The following CSRNP3 variants were observed in gnomAD, a reference collection of about 807,000 sequenced individuals.
The protein encoded by CSRNP3 is cysteine/serine-rich nuclear protein 3.
CSRNP3 carries 12 observed loss-of-function variants against 48.0 expected under a neutral mutation model. The ratio of observed to expected loss-of-function variants is 0.25; its 90% confidence interval spans 0.16 to 0.41. The LOEUF (loss-of-function observed/expected upper bound fraction) is 0.41, where lower values mean the gene tolerates loss of function less well. Among genes scored for constraint, CSRNP3 ranks in the 10% least tolerant of loss-of-function variants. CSRNP3 has a pLI of 1.00. For synonymous variants in CSRNP3, 263 were observed against 269.7 expected, an observed-to-expected ratio of 0.98 and a Z score of 0.24; for missense variants, 580 against 724.4, an observed-to-expected ratio of 0.80 and a Z score of 2.29.
chr2:165,585,810 G>A (rs1017160323), intron 3 of CSRNP3, among the ~76,000 whole-genome samples: 2 of 152,160 alleles, frequency 1.3e-5, no homozygotes, highest in African/African-American at 2.4e-5. Flanking sequence ...AAAGGTGGAA[G>A]AATCTTTGTT....
At chr2:165,628,310 C>T (rs145206791) in intron 4 of CSRNP3, among the ~76,000 whole-genome samples, 107 of 152,292 alleles carry the variant, frequency 7.0e-4, no homozygotes, top group African/African-American at 2.4e-3. Flanking sequence ...CCCTTTTCTA[C>T]TTCTTGTGTC....
chr2:165,496,042 G>A (rs1005561118), intron 2 of CSRNP3, among the ~76,000 whole-genome samples: 2 of 151,784 alleles, frequency 1.3e-5, no homozygotes, highest in South Asian at 2.1e-4. Flanking sequence ...TCTGTGACCC[G>A]AGATCCTATT....
intron 1 of CSRNP3, among the ~76,000 whole-genome samples, chr2:165,481,633 T>C (rs1684044078): frequency 6.6e-6 from 1 of 152,182 alleles, no homozygotes. Flanking sequence ...TCCTTTATGC[T>C]ACACTGGCTA....
chr2:165,665,976 GAAA>G, intron 5 of CSRNP3, among the ~76,000 whole-genome samples: 1 of 67,122 alleles, frequency 1.5e-5, no homozygotes, highest in African/African-American at 5.5e-5. Flanking sequence ...GAGAGGGGAA[GAAA>G]GAAAGAGAGA....
intron 1 of CSRNP3, among the ~76,000 whole-genome samples, chr2:165,481,200 C>T (rs1017841946): frequency 6.6e-5 from 10 of 152,068 alleles, no homozygotes; most frequent in African/African-American, 2.4e-4. Flanking sequence ...AGGTTATATG[C>T]TCACGTTAAT....
chr2:165,577,989 AAT>A (rs1237815505), intron 3 of CSRNP3, among the ~76,000 whole-genome samples: 2 of 152,028 alleles, frequency 1.3e-5, no homozygotes, highest in Admixed American at 1.3e-4. Context: ...TTGAATTCCA[AAT>A]AAATGAAAAT....
chr2:165,649,568 G>A (rs1300105651), intron 4 of CSRNP3, among the ~76,000 whole-genome samples: 2 of 152,168 alleles, frequency 1.3e-5, no homozygotes, highest in African/African-American at 4.8e-5. Flanking sequence ...AAATAGAGAA[G>A]AGTGGTATTT....
intron 3 of CSRNP3, among the ~76,000 whole-genome samples, chr2:165,559,796 C>CTTTTT (rs11313094): frequency 0.032 from 3,135 of 98,160 alleles, 4 homozygotes; most frequent in Non-Finnish European, 0.04. Context: ...TTCTTTCTTT[C>CTTTTT]TTTTTTTTTT....
At chr2:165,629,600 G>T (rs1418118001) in intron 4 of CSRNP3, among the ~76,000 whole-genome samples, 1 of 152,212 alleles carries the variant, frequency 6.6e-6, no homozygotes, top group African/African-American at 2.4e-5. Context: ...TTGGTTACTT[G>T]TTGGACCAGA....
chr2:165,559,870 G>A (rs895914788), intron 3 of CSRNP3, among the ~76,000 whole-genome samples: 1 of 146,278 alleles, frequency 6.8e-6, no homozygotes, highest in African/African-American at 2.5e-5. Context: ...CACGATCTCG[G>A]CTCACTGCAA....
At chr2:165,531,726 A>T (rs1684813801) in intron 3 of CSRNP3, among the ~76,000 whole-genome samples, 1 of 152,178 alleles carries the variant, frequency 6.6e-6, no homozygotes, top group Non-Finnish European at 1.5e-5. Flanking sequence ...AACTGAAGGA[A>T]ATAGAGACAC....
rs570202424 is a variant in CSRNP3, at chr2:165,575,854, A to G, written c.-23-19189A>G. Among the ~76,000 whole-genome samples the G allele has an allele frequency of 4.6e-5, 7 of 152,120 alleles. No homozygotes were observed. The East Asian group carries it at 1.4e-3, about 29-fold the overall frequency. On this transcript the variant is annotated intron_variant, in intron 3 of 6. Transcript: ENST00000651982. Reference sequence around the variant, plus strand: ...CAGGATCCTGAGACTAATTTAGGAAAAGGAATTCATGTTTTGTATGAGCTT... The same window carrying G: ...CAGGATCCTGAGACTAATTTAGGAAGAGGAATTCATGTTTTGTATGAGCTT...
At chr2:165,594,411 C>T (rs1456140408) in intron 3 of CSRNP3, among the ~76,000 whole-genome samples, 2 of 152,132 alleles carry the variant, frequency 1.3e-5, no homozygotes, top group East Asian at 3.8e-4. Flanking sequence ...TTAGAAGAAA[C>T]CATATCCATT....
intron 4 of CSRNP3, among the ~76,000 whole-genome samples, chr2:165,633,444 T>C (rs1313182544): frequency 1.3e-5 from 2 of 152,262 alleles, no homozygotes; most frequent in African/African-American, 2.4e-5. Context: ...GGAAAATATT[T>C]AGGTATGTTT....
intron 3 of CSRNP3, among the ~76,000 whole-genome samples, chr2:165,553,850 A>G (rs1309216179): frequency 1.3e-5 from 2 of 152,162 alleles, no homozygotes; most frequent in African/African-American, 4.8e-5. Context: ...CATTTCTATC[A>G]GCATATAAAT....
rs1341024249 is a variant in CSRNP3, at chr2:165,495,162, A to G, written c.-113+234A>G. 2.0e-5 allele frequency among the ~76,000 whole-genome samples: 3 copies of G among 152,026 alleles called. No homozygotes were observed. In the East Asian group the frequency reaches 5.8e-4, roughly 29 times the overall value. ...AATGAGTCCAATCGGAGGTAAGCAG[A>G]CAGCAACTGGAAATAATTTAATGAG... On this transcript the variant is annotated intron_variant, in intron 2 of 6. Coordinates refer to ENST00000651982, the MANE Select transcript of CSRNP3 (RefSeq NM_001172173.2).
At chr2:165,658,961 A>G (rs1687053866) in intron 5 of CSRNP3, among the ~76,000 whole-genome samples, 1 of 152,144 alleles carries the variant, frequency 6.6e-6, no homozygotes. Flanking sequence ...TGAGTCCACA[A>G]TGGCTTGTGT....
At chr2:165,627,276 T>G (rs1300096233) in intron 4 of CSRNP3, among the ~76,000 whole-genome samples, 1 of 152,186 alleles carries the variant, frequency 6.6e-6, no homozygotes, top group South Asian at 2.1e-4. Flanking sequence ...GGTACAGTAA[T>G]TTTCCTGCCA....
intron 4 of CSRNP3, among the ~76,000 whole-genome samples, chr2:165,605,869 A>T (rs183427813): frequency 1.1e-3 from 166 of 152,246 alleles, no homozygotes; most frequent in Non-Finnish European, 2.1e-3. Context: ...CAATACTTGA[A>T]AAGCTGAAAT....
Sources: allele counts gnomAD v4.1 joint callset (sites outside exome capture counted in the v4.1 genomes callset), GRCh38; gene constraint gnomAD v4.1.1; transcripts MANE v1.5; gene names NCBI Gene and HGNC (gene_info 2026-07-23, HGNC 2026-07-21).